The following PARD3B variants were observed in gnomAD, a reference collection of about 807,000 sequenced individuals.
The protein encoded by PARD3B is partitioning defective 3 homolog B.
In PARD3B, 103 loss-of-function variants were observed where a neutral mutation model predicts 130.2. The ratio of observed to expected loss-of-function variants is 0.79; its 90% CI spans 0.67 to 0.93. The LOEUF is 0.93. Ranked by LOEUF, PARD3B falls within the 40% of genes least tolerant of loss-of-function variation. The pLI, the probability that PARD3B is intolerant of heterozygous loss-of-function variation, is 0.00. For synonymous variants in PARD3B, 583 were observed against 553.2 expected (o/e 1.05, Z -0.76); for missense variants, 1,609 against 1,499.2 (o/e 1.07, Z -1.21).
intron 2 of PARD3B, among the ~76,000 whole-genome samples, chr2:204,947,677 A>G (rs1689445036): frequency 6.6e-6 from 1 of 151,648 alleles, no homozygotes. Flanking sequence ...TGTTTTATTT[A>G]AATAGATGGC....
chr2:204,927,491 G>T (rs1480888877), intron 2 of PARD3B, among the ~76,000 whole-genome samples: 1 of 152,094 alleles, frequency 6.6e-6, no homozygotes, highest in Admixed American at 6.5e-5. Context: ...AATTTATGTT[G>T]TTCCTATGCT....
intron 2 of PARD3B, among the ~76,000 whole-genome samples, chr2:204,847,670 C>T (rs2044518566): frequency 1.3e-5 from 2 of 152,150 alleles, no homozygotes; most frequent in African/African-American, 2.4e-5. Flanking sequence ...CCTTCTAAGT[C>T]ATCAGTTCAG....
chr2:205,243,096 G>T (rs781425867), intron 15 of PARD3B, among the ~76,000 whole-genome samples: 17 of 152,140 alleles, frequency 1.1e-4, no homozygotes, highest in Non-Finnish European at 2.4e-4. Context: ...AACTCGGGAA[G>T]TGGAGGTTGC....
chr2:204,722,652 A>G (rs1404388188), intron 2 of PARD3B, among the ~76,000 whole-genome samples: 1 of 152,134 alleles, frequency 6.6e-6, no homozygotes, highest in Non-Finnish European at 1.5e-5. Context: ...TTTTTCATTT[A>G]TCAATTCCAG....
At chr2:205,597,176 C>G (rs1234130726) in intron 22 of PARD3B, among the ~76,000 whole-genome samples, 1 of 152,036 alleles carries the variant, frequency 6.6e-6, no homozygotes, top group Non-Finnish European at 1.5e-5. Context: ...GGTTTTTCAG[C>G]CCTCACTCTC....
chr2:205,404,504 T>C (rs2046355963), intron 19 of PARD3B, among the ~76,000 whole-genome samples: 1 of 152,202 alleles, frequency 6.6e-6, no homozygotes, highest in Non-Finnish European at 1.5e-5. Context: ...CCTGCATCTA[T>C]AACATCTTGC....
intron 1 of PARD3B, among the ~76,000 whole-genome samples, chr2:204,556,425 G>A (rs566232465): frequency 6.6e-6 from 1 of 152,306 alleles, no homozygotes. Context: ...AGGCACACAC[G>A]TGAATAAGCC....
intron 4 of PARD3B, among the ~76,000 whole-genome samples, chr2:205,063,498 A>G (rs1350086453): frequency 6.6e-6 from 1 of 152,162 alleles, no homozygotes; most frequent in South Asian, 2.1e-4. Flanking sequence ...ACAGGAGGCA[A>G]CCACCCAAAT....
chr2:205,489,603 G>A (rs569656007), intron 20 of PARD3B, among the ~76,000 whole-genome samples: 1 of 136,800 alleles, frequency 7.3e-6, no homozygotes, highest in East Asian at 2.1e-4. Context: ...TGTGTTGGAA[G>A]AACTGTATTA....
chr2:205,119,382 G>A (rs545046677), intron 7 of PARD3B, among the ~76,000 whole-genome samples: 7 of 152,120 alleles, frequency 4.6e-5, no homozygotes, highest in African/African-American at 1.7e-4. Flanking sequence ...TGTTGGTTCA[G>A]CTTATTAATT....
At chr2:205,426,372 C>G (rs1434159159) in intron 19 of PARD3B, among the ~76,000 whole-genome samples, 1 of 152,090 alleles carries the variant, frequency 6.6e-6, no homozygotes, top group African/African-American at 2.4e-5. Context: ...AGCCTGTTCT[C>G]TGGAACAAAG....
chr2:204,939,586 T>A (rs1688741776), intron 2 of PARD3B, among the ~76,000 whole-genome samples: 1 of 152,192 alleles, frequency 6.6e-6, no homozygotes, highest in Non-Finnish European at 1.5e-5. Context: ...TAACTTTTTG[T>A]GGTATGTACA....
At position 204,811,433 on chromosome 2, in the gene PARD3B, G is replaced by A. The variant is rs908818122; in HGVS notation, c.222+125151G>A. On this transcript the variant is annotated intron_variant, in intron 2 of 22. Transcript: ENST00000406610. ...TGAAATGTTTATTTCATCTCCCATG[G>A]TACCTGGCACAGAGTTTGGGGCAAG... Among the ~76,000 whole-genome samples, 6 of 152,090 alleles carry A rather than the reference G, an allele frequency of 3.9e-5. 1 individual carries two copies. The highest frequency in any genetic ancestry group is 3.2e-3 in the Middle Eastern group (1 of 316).
At chr2:204,733,506 T>A in intron 2 of PARD3B, among the ~76,000 whole-genome samples, 1 of 147,432 alleles carries the variant, frequency 6.8e-6, no homozygotes. Context: ...TTGGTAGAAA[T>A]TGTCTGGAAT....
Position 205,530,332 on chromosome 2 carries a change from A to G in PARD3B, c.3181-22992A>G, listed in dbSNP as rs532940706. Among the ~76,000 whole-genome samples, 4 of 152,356 alleles carry G rather than the reference A, an allele frequency of 2.6e-5. No individual in the cohort carries two copies. The South Asian group carries it at 6.2e-4, about 24-fold the overall frequency. On this transcript the variant is annotated intron_variant, in intron 21 of 22. Transcript: ENST00000406610. The surrounding 1 kb of genome is among the most constrained non-coding windows in gnomAD (Gnocchi z 4.7). Reference sequence around the variant, plus strand: ...ACTTGAGGACTTTTAGGTGAGGAGTAGATGCCAACATCATAAGGATGTTGA... The same window carrying G: ...ACTTGAGGACTTTTAGGTGAGGAGTGGATGCCAACATCATAAGGATGTTGA...
rs1242658156 is a variant in PARD3B, at chr2:205,592,532, T to A, written c.3261-22924T>A. Among the ~76,000 whole-genome samples the A allele has an allele frequency of 6.6e-6, 1 of 152,148 alleles. No homozygotes were observed. Among genetic ancestry groups the A allele is most frequent in the Non-Finnish European group, 1.5e-5 (1 of 68,028 alleles). The stretch of plus-strand genomic sequence containing the variant: ...GTCCTTACCATCACAGAGCTCACAG[T>A]TCGTTGGAGACACCAGAAAACAGGT... On this transcript the variant is annotated intron_variant, in intron 22 of 22. Coordinates refer to ENST00000406610, the MANE Select transcript of PARD3B (RefSeq NM_001302769.2). The surrounding 1 kb of genome is among the most constrained non-coding windows in gnomAD (Gnocchi z 4.5).
intron 19 of PARD3B, among the ~76,000 whole-genome samples, chr2:205,416,017 A>C (rs1345824677): frequency 6.6e-6 from 1 of 152,136 alleles, no homozygotes; most frequent in Non-Finnish European, 1.5e-5. Flanking sequence ...TTGCCCTATA[A>C]TCAGATGACA....
At chr2:205,156,064 A>G (rs1214068952) in intron 10 of PARD3B, among the ~76,000 whole-genome samples, 1 of 152,094 alleles carries the variant, frequency 6.6e-6, no homozygotes, top group Admixed American at 6.6e-5. Flanking sequence ...CATATACACC[A>G]TGGAATACTA....
At chr2:205,048,719 A>G (rs1270561912) in intron 4 of PARD3B, 2 of 152,198 alleles carry the variant, frequency 1.3e-5, no homozygotes, top group African/African-American at 4.8e-5. Flanking sequence ...ATGAGATAGG[A>G]GTCACTATTT....
Sources: gnomAD v4.1 joint callset for allele counts (sites outside exome capture counted in the v4.1 genomes callset) on GRCh38, gnomAD v4.1.1 for gene constraint, Gnocchi (gnomAD v3.1) non-coding constraint, MANE v1.5 for transcripts, NCBI Gene and HGNC (gene_info 2026-07-23, HGNC 2026-07-21) for gene names.